Variants in CYYR1 observed in about 807,000 individuals in gnomAD.
CYYR1 encodes the protein cysteine and tyrosine rich 1.
A neutral mutation model predicts 15.2 loss-of-function variants in CYYR1; 14 were observed. The ratio of observed to expected loss-of-function variants is 0.92; its 90% confidence interval spans 0.61 to 1.44. CYYR1 has a LOEUF of 1.44. Ranked by LOEUF, CYYR1 falls within the 40% of genes most tolerant of loss-of-function variation. The probability of loss-of-function intolerance (pLI) is 0.00; values close to 1 mark genes in which losing one functional copy is unlikely to be tolerated. For missense variants in CYYR1, 228 were observed against 209.5 expected (o/e 1.09, Z -0.54); for synonymous variants, 80 against 77.4 (o/e 1.03, Z -0.18).
chr21:26,491,419 G>A (rs540087241), intron 2 of CYYR1, among the ~76,000 whole-genome samples: 1 of 152,222 alleles, frequency 6.6e-6, no homozygotes, highest in African/African-American at 2.4e-5. Context: ...AAGTCCATTT[G>A]TTGAGATTTA....
intron 2 of CYYR1, among the ~76,000 whole-genome samples, chr21:26,558,568 G>T (rs569953577): frequency 6.6e-6 from 1 of 152,106 alleles, no homozygotes; most frequent in Non-Finnish European, 1.5e-5. Context: ...GGACCATCCA[G>T]GTTGCTGCAC....
At chr21:26,470,966 G>C (rs1169281370) in intron 3 of CYYR1, 1 of 152,230 alleles carries the variant, frequency 6.6e-6, no homozygotes, top group African/African-American at 2.4e-5. Flanking sequence ...CGAGAACACA[G>C]CTCTGTAAAT....
At chr21:26,507,462 A>T (rs768335231) in intron 2 of CYYR1, among the ~76,000 whole-genome samples, 4 of 152,204 alleles carry the variant, frequency 2.6e-5, no homozygotes, top group Admixed American at 6.5e-5. Context: ...AATGCAATCT[A>T]TCTTTACACA....
intron 2 of CYYR1, among the ~76,000 whole-genome samples, chr21:26,540,918 A>G (rs1475588579): frequency 2.0e-5 from 3 of 152,202 alleles, no homozygotes; most frequent in Non-Finnish European, 2.9e-5. Flanking sequence ...ATGGATATAC[A>G]GAAAATCTCA....
chr21:26,531,954 C>A (rs4389395), intron 2 of CYYR1, among the ~76,000 whole-genome samples: 43,853 of 151,944 alleles, frequency 0.29, 7,194 homozygotes, highest in East Asian at 0.58. Flanking sequence ...ATTAAAGTCA[C>A]AGTTGTGCAT....
At chr21:26,479,563 T>C (rs1216148128) in intron 3 of CYYR1, among the ~76,000 whole-genome samples, 1 of 152,228 alleles carries the variant, frequency 6.6e-6, no homozygotes, top group Non-Finnish European at 1.5e-5. Context: ...GTATTTTGTT[T>C]ATGAAGTCAC....
intron 2 of CYYR1, among the ~76,000 whole-genome samples, chr21:26,504,873 G>T (rs965464634): frequency 1.3e-5 from 2 of 152,052 alleles, no homozygotes; most frequent in African/African-American, 4.8e-5. Flanking sequence ...GAATTGATTT[G>T]ATTTTTAGAT....
chr21:26,546,873 G>T (rs958956981), intron 2 of CYYR1, among the ~76,000 whole-genome samples: 1 of 152,110 alleles, frequency 6.6e-6, no homozygotes, highest in Non-Finnish European at 1.5e-5. Context: ...GCTCAGGGAG[G>T]AAGTTCATTG....
chr21:26,561,424 G>A (rs1205327219), intron 2 of CYYR1, among the ~76,000 whole-genome samples: 2 of 151,866 alleles, frequency 1.3e-5, no homozygotes, highest in East Asian at 3.9e-4. Flanking sequence ...AATGATCATA[G>A]GACCTCAAAT....
rs116410473 is a variant in CYYR1 at position 26,481,772 on chromosome 21, T to G, written c.177-1343A>C. ...ATTAATTGAATACTAATTCAATTAA[T>G]TAGTATTTTCAATACTTACTAGTAT... On this transcript the variant is annotated intron_variant, in intron 2 of 3. Transcript: ENST00000652641. 2.8e-3 allele frequency among the ~76,000 whole-genome samples: 423 copies of G among 152,156 alleles called. 1 individual carries two copies. Among genetic ancestry groups the G allele is most frequent in the African/African-American group, 9.9e-3 (412 of 41,558 alleles).
chr21:26,527,500 T>G (rs988957291), intron 2 of CYYR1, among the ~76,000 whole-genome samples: 4 of 152,240 alleles, frequency 2.6e-5, no homozygotes, highest in Admixed American at 6.5e-5. Context: ...CAGCTTTTTA[T>G]ATTTTTCCTG....
intron 2 of CYYR1, among the ~76,000 whole-genome samples, chr21:26,540,563 A>T (rs1386266108): frequency 6.6e-6 from 1 of 152,136 alleles, no homozygotes; most frequent in African/African-American, 2.4e-5. Flanking sequence ...CTATGCACGC[A>T]TGGGGCATAC....
At position 26,498,433 on chromosome 21, in the gene CYYR1, A is replaced by G. The variant is rs896314892; in HGVS notation, c.177-18004T>C. Among the ~76,000 whole-genome samples, 3 of 152,214 alleles carry G rather than the reference A, an allele frequency of 2.0e-5. No individual in the cohort carries two copies. The South Asian group carries it at 6.2e-4, about 32-fold the overall frequency. On this transcript the variant is annotated intron_variant, in intron 2 of 3. Coordinates refer to ENST00000652641, the MANE Select transcript of CYYR1 (RefSeq NM_001320768.2). ...TATTCAAGGAGAGGAAACAACCAGT[A>G]GGAAGGCAAAAGAGCACAGGCCTGT... is the stretch of plus-strand genomic sequence containing the variant.
chr21:26,543,854 C>T (rs1475600687), intron 2 of CYYR1, among the ~76,000 whole-genome samples: 1 of 151,838 alleles, frequency 6.6e-6, no homozygotes, highest in African/African-American at 2.4e-5. Context: ...TGCAGTGAAC[C>T]GAAATCACGG....
chr21:26,471,129 T>A (rs990599708), intron 3 of CYYR1: 3 of 152,168 alleles, frequency 2.0e-5, no homozygotes, highest in African/African-American at 7.2e-5. Flanking sequence ...ACGCCTCGAC[T>A]TCATTATATC....
chr21:26,525,655 T>C (rs1464992065), intron 2 of CYYR1, among the ~76,000 whole-genome samples: 1 of 152,258 alleles, frequency 6.6e-6, no homozygotes, highest in Admixed American at 6.5e-5. Flanking sequence ...TATGGCACTA[T>C]GTTAAATGGA....
intron 2 of CYYR1, 60 bp from the exon 3 acceptor site, chr21:26,480,489 A>G (rs1431082807): frequency 6.7e-7 from 1 of 1,503,742 alleles, no homozygotes; most frequent in African/African-American, 1.4e-5. Context: ...TAGACTTTCT[A>G]GTAGAGCTCC....
At chr21:26,526,221 G>T (rs2065863572) in intron 2 of CYYR1, among the ~76,000 whole-genome samples, 1 of 152,158 alleles carries the variant, frequency 6.6e-6, no homozygotes, top group Non-Finnish European at 1.5e-5. Flanking sequence ...GCAAAGGTGG[G>T]TGGACCACTT....
intron 2 of CYYR1, among the ~76,000 whole-genome samples, chr21:26,531,321 T>TA (rs1434007238): frequency 6.6e-6 from 1 of 152,094 alleles, no homozygotes; most frequent in Non-Finnish European, 1.5e-5. Flanking sequence ...GAAATTCCCA[T>TA]AAAAATAATG....
Sources: gnomAD v4.1 joint callset for allele counts (sites outside exome capture counted in the v4.1 genomes callset) on GRCh38, gnomAD v4.1.1 for gene constraint, MANE v1.5 for transcripts, NCBI Gene and HGNC (gene_info 2026-07-23, HGNC 2026-07-21) for gene names.